The following MYH11 variants were observed in gnomAD, a reference collection of about 807,000 sequenced individuals.
The protein encoded by MYH11 is myosin heavy chain 11.
In MYH11, 80 loss-of-function variants were observed where a neutral mutation model predicts 246.6. The observed-to-expected ratio is 0.32, with a 90% CI of 0.27 to 0.39. The LOEUF (loss-of-function observed/expected upper bound fraction) is 0.39. Among genes scored for constraint, MYH11 ranks in the 10% least tolerant of loss-of-function variants. The pLI is 1.00. For synonymous variants in MYH11, 1,071 were observed against 1,015.5 expected, an observed-to-expected ratio of 1.05 and a Z score of -1.04; for missense variants, 2,158 against 2,546.8, an observed-to-expected ratio of 0.85 and a Z score of 3.29.
intron 36 of MYH11, chr16:15,718,948 T>TGAAACCCCACCTCTACTAA (rs1390149977): frequency 4.3e-6 from 2 of 465,424 alleles, no homozygotes; most frequent in African/African-American, 2.0e-5. Flanking sequence ...GCCAACATGG[T>TGAAACCCCACCTCTACTAA]GAAACCCCAC....
At chr16:15,752,691 C>T (rs956156030) in intron 15 of MYH11, among the ~76,000 whole-genome samples, 2 of 152,176 alleles carry the variant, frequency 1.3e-5, no homozygotes, top group African/African-American at 4.8e-5. Flanking sequence ...CCAGCCTGGC[C>T]AACATGGGGG....
At chr16:15,826,590 A>AAAAGAAAAAG (rs1186361799) in intron 2 of MYH11, among the ~76,000 whole-genome samples, 6 of 120,708 alleles carry the variant, frequency 5.0e-5, no homozygotes, top group African/African-American at 9.6e-5. Context: ...CTTGTCTCAA[A>AAAAGAAAAAG]AAAGAAAAAG....
At chr16:15,756,285 T>TGAGCAGCCACTGGG in intron 14 of MYH11, 56 bp downstream of exon 14, 1 of 1,592,324 alleles carries the variant, frequency 6.3e-7, no homozygotes, top group South Asian at 1.1e-5. Context: ...GTCTCTGCGC[T>TGAGCAGCCACTGGG]GAGCAGCCAC....
rs745652456 is a variant in MYH11 at position 15,717,106 on chromosome 16, T to C, written c.5504+34A>G. ...TGACTCCTGCTGTCCATCACCCCCC[T>C]GCAAACTGGGTTCGGAACTCCACAC... On this transcript the variant is annotated intron_variant, in intron 38 of 40. Transcript: ENST00000300036. 2.4e-5 allele frequency: 38 copies of C among 1,610,660 alleles called. No individual in the cohort carries two copies. The East Asian group carries it at 7.4e-4, about 31-fold the overall frequency.
intron 9 of MYH11, 45 bp from the exon 10 acceptor site, chr16:15,763,936 CA>C (rs1476067827): frequency 4.0e-6 from 6 of 1,514,516 alleles, no homozygotes; most frequent in Non-Finnish European, 5.5e-6. Context: ...AGGTCAATGC[CA>C]AGGTACCCTG....
Position 15,704,028 on chromosome 16 carries a change from C to T in MYH11, c.5882G>A (p.Arg1961Gln), listed in dbSNP as rs745846240. Residue 1961 changes from arginine (R) to glutamine (Q), a missense_variant, in exon 41 of 41, where the codon CGA becomes CAA. By Grantham distance (43) the Arg-to-Gln change is conservative. This residue lies in a region of MYH11 where 1,013 missense variants were observed against 993.5 expected (regional missense o/e 1.02). Coordinates refer to ENST00000300036, the MANE Select transcript of MYH11 (RefSeq NM_002474.3). ...ADGSEEETDT[R>Q]DADFNGTKAS... ...CTTGGTTCCATTGAAGTCTGCGTCT[C>T]GAGTGTCCGTTTCCTCCTCAGAACC... 15 of 1,613,928 alleles carry T rather than the reference C, an allele frequency of 9.3e-6. No individual in the cohort carries two copies. In the South Asian group the frequency reaches 9.9e-5, roughly 11 times the overall value.
chr16:15,805,289 T>C (rs969169320), intron 3 of MYH11, among the ~76,000 whole-genome samples: 3 of 152,214 alleles, frequency 2.0e-5, no homozygotes, highest in Non-Finnish European at 1.5e-5. Context: ...CTTTCTCTAA[T>C]ATAAACATGA....
chr16:15,760,066 C>T lies in MYH11; in HGVS notation c.1249-338G>A, dbSNP rs112913624. 8.5e-5 allele frequency among the ~76,000 whole-genome samples: 13 copies of T among 152,088 alleles called. No homozygotes were observed. The South Asian group carries it at 1.2e-3, about 15-fold the overall frequency. On this transcript the variant is annotated intron_variant, in intron 11 of 40. Coordinates refer to ENST00000300036, the MANE Select transcript of MYH11 (RefSeq NM_002474.3). ...GAGCTGCGATGGCACCACTGCACCC[C>T]CCCCTGGGCAACAGAGCAAGGCTCT...
chr16:15,852,147 G>A (rs534865321), intron 1 of MYH11, among the ~76,000 whole-genome samples: 1 of 152,170 alleles, frequency 6.6e-6, no homozygotes, highest in South Asian at 2.1e-4. Context: ...ACCTGCAAGG[G>A]ATCTAGGTTG....
chr16:15,765,608 C>T (rs1010181747), intron 9 of MYH11, among the ~76,000 whole-genome samples: 1 of 152,156 alleles, frequency 6.6e-6, no homozygotes, highest in African/African-American at 2.4e-5. Context: ...CCTAGAGATC[C>T]CAGACTTCTC....
At chr16:15,787,666 G>T (rs62030571) in intron 4 of MYH11, among the ~76,000 whole-genome samples, 1,528 of 151,574 alleles carry the variant, frequency 0.01, 11 homozygotes, top group Non-Finnish European at 0.017. Context: ...GTAGAGACGG[G>T]GTTTCACCAT....
At chr16:15,843,681 CAG>C (rs945064942) in intron 1 of MYH11, among the ~76,000 whole-genome samples, 4 of 141,522 alleles carry the variant, frequency 2.8e-5, no homozygotes, top group Non-Finnish European at 3.0e-5. Flanking sequence ...GCCTGGACGA[CAG>C]AGTGAGACTC....
intron 15 of MYH11, among the ~76,000 whole-genome samples, chr16:15,752,525 T>C (rs993699449): frequency 3.3e-5 from 5 of 152,102 alleles, no homozygotes; most frequent in Admixed American, 2.6e-4. Context: ...GCCCCATCCC[T>C]GGCCCCAGAC....
At chr16:15,773,798 T>C (rs768017526) in intron 8 of MYH11, among the ~76,000 whole-genome samples, 1 of 152,222 alleles carries the variant, frequency 6.6e-6, no homozygotes, top group Non-Finnish European at 1.5e-5. Flanking sequence ...CGTTTACTAC[T>C]GACCCTTTAG....
At chr16:15,802,816 C>T (rs1233509705) in intron 3 of MYH11, among the ~76,000 whole-genome samples, 1 of 152,020 alleles carries the variant, frequency 6.6e-6, no homozygotes, top group African/African-American at 2.4e-5. Context: ...TGAGGTCATC[C>T]TGGCTTGGAG....
intron 27 of MYH11, among the ~76,000 whole-genome samples, chr16:15,731,456 T>C (rs986154751): frequency 3.3e-5 from 5 of 152,210 alleles, no homozygotes; most frequent in African/African-American, 9.6e-5. Context: ...GAAGATTAAT[T>C]GACATACTGT....
chr16:15,799,859 C>G (rs2042838370), intron 3 of MYH11, among the ~76,000 whole-genome samples: 1 of 152,148 alleles, frequency 6.6e-6, no homozygotes, highest in African/African-American at 2.4e-5. Flanking sequence ...CATTGTATCT[C>G]TAGTACTGGC....
rs574695920 is a variant in MYH11 at position 15,706,351 on chromosome 16, A to G, written c.5787-2228T>C. 3.7e-4 allele frequency among the ~76,000 whole-genome samples: 57 copies of G among 152,218 alleles called. 1 individual carries two copies. In the South Asian group the frequency reaches 0.011, roughly 29 times the overall value. On this transcript the variant is annotated intron_variant, in intron 40 of 40. Coordinates refer to ENST00000300036, the MANE Select transcript of MYH11 (RefSeq NM_002474.3). ...TTCAGCGCAGAGGAGCAGCAGTTTG[A>G]CTGTTCCCTGTACGCTCCCCACACA...
chr16:15,837,765 C>T, intron 2 of MYH11, 143 bp downstream of exon 2: 1 of 717,724 alleles, frequency 1.4e-6, no homozygotes, highest in Non-Finnish European at 2.5e-6. Flanking sequence ...GAACTTCTGA[C>T]CTCAGGTGAT....
Sources: gnomAD v4.1 joint callset for allele counts (sites outside exome capture counted in the v4.1 genomes callset) on GRCh38, gnomAD v4.1.1 for gene constraint, gnomAD v4.1.1 regional missense constraint, MANE v1.5 for transcripts, NCBI Gene and HGNC (gene_info 2026-07-23, HGNC 2026-07-21) for gene names.